TSC2: variants seen among roughly 807,000 people sequenced by gnomAD.
TSC2 encodes TSC complex subunit 2, also known as tuberin.
TSC2 carries 29 observed loss-of-function variants against 202.2 expected under a neutral mutation model. The ratio of observed to expected loss-of-function variants is 0.14; its 90% CI spans 0.11 to 0.20. The LOEUF is 0.20. Among genes scored for constraint, TSC2 ranks in the 10% least tolerant of loss-of-function variants. The pLI, the probability that TSC2 is intolerant of heterozygous loss-of-function variation, is 1.00. For synonymous variants in TSC2, 1,349 were observed against 1,044.0 expected, an observed-to-expected ratio of 1.29 and a Z score of -5.63; for missense variants, 2,429 against 2,420.0, an observed-to-expected ratio of 1.00 and a Z score of -0.08.
At position 2,088,750 on chromosome 16, in the gene TSC2, C is replaced by G; in HGVS notation, c.*140C>G. ...TTTTATTGACTTTGTCTGCTTGGTGCGGGGGTTGGGGGGGTGTCGAGGCTC... is the reference window on the plus strand; with the variant it reads ...TTTTATTGACTTTGTCTGCTTGGTGGGGGGGTTGGGGGGGTGTCGAGGCTC... On this transcript the variant is annotated 3_prime_UTR_variant, in exon 42 of 42. Transcript: ENST00000219476. The G allele has an allele frequency of 8.2e-7, 1 of 1,219,198 alleles. No individual in the cohort carries two copies. The highest frequency in any genetic ancestry group is 1.1e-6 in the Non-Finnish European group (1 of 884,044). The allele number at this position is 1,219,198 out of a possible 1,614,324, so 75.5% of individuals were successfully genotyped here.
rs2151299187 is a variant in TSC2 at position 2,071,610 on chromosome 16, A to C, written c.1940A>C (p.Asp647Ala). 6.2e-7 allele frequency: 1 copy of C among 1,613,338 alleles called. No homozygotes were observed. ...VVRFSPYCVC[D>A]YMEPERGSEK... ...CGGTTCAGCCCCTACTGCGTCTGCG[A>C]CTACATGTACGCGGGACCTCGCCCA... Residue 647 changes from aspartate to alanine, a missense_variant, in exon 18 of 42, where the codon GAC becomes GCC. By Grantham distance (126) the Asp-to-Ala change is moderately radical (BLOSUM62 -2). Coordinates refer to ENST00000219476, the MANE Select transcript of TSC2 (RefSeq NM_000548.5).
In TSC2 at chr16:2,076,170, G is replaced by GGTGATGGCT; in HGVS notation, c.2742+3_2742+4insATGGCTGTG. ...AGGATTTTGTCCCTTTCATCACTAA[G>GGTGATGGCT]GTGGGCTCAGGGCCGGTGAAGGCTG... On this transcript the variant is annotated inframe_insertion and splice_region_variant. Transcript: ENST00000219476. 6.2e-7 allele frequency: 1 copy of GGTGATGGCT among 1,613,580 alleles called. No individual in the cohort carries two copies. The highest frequency in any genetic ancestry group is 8.5e-7 in the Non-Finnish European group (1 of 1,180,008).
At chr16:2,061,147 G>T in intron 11 of TSC2, 1 of 405,218 alleles carries the variant, frequency 2.5e-6, no homozygotes, top group South Asian at 2.2e-5. Context: ...TGCCAGTGTG[G>T]CTTCCGCATG....
chr16:2,084,898 G>A lies in TSC2; in HGVS notation c.4494-53G>A, dbSNP rs2090571486. Reference sequence around the variant, plus strand: ...CTCTGTGTTCCTCCCTGTGGGCTGTGGCTGCCCTGGCCAGGCCCTCACCTG... The same window carrying A: ...CTCTGTGTTCCTCCCTGTGGGCTGTAGCTGCCCTGGCCAGGCCCTCACCTG... On this transcript the variant is annotated intron_variant, in intron 34 of 41. Transcript: ENST00000219476. The A allele has an allele frequency of 1.9e-6, 3 of 1,609,520 alleles. No individual in the cohort carries two copies. The African/African-American group carries it at 4.0e-5, about 21-fold the overall frequency.
At chr16:2,082,579 T>C in intron 32 of TSC2, 75 bp downstream of exon 32, 1 of 1,527,766 alleles carries the variant, frequency 6.5e-7, no homozygotes. Flanking sequence ...CGTCGCCTCA[T>C]CCGCCCACCC....
chr16:2,074,694 T>A (rs1265047239), intron 22 of TSC2: 1 of 470,686 alleles, frequency 2.1e-6, no homozygotes, highest in Non-Finnish European at 3.9e-6. Context: ...CACACGCCGC[T>A]TCAGGGGGGC....
At chr16:2,078,992 T>C (rs1596381782) in intron 26 of TSC2, 40 bp from the exon 27 acceptor site, 2 of 1,610,770 alleles carry the variant, frequency 1.2e-6, no homozygotes, top group Non-Finnish European at 8.5e-7. Context: ...CGGCCCGCCC[T>C]ACCTGGCACC....
At chr16:2,057,209 G>A in intron 9 of TSC2, 31 bp downstream of exon 9, 2 of 1,551,338 alleles carry the variant, frequency 1.3e-6, no homozygotes, top group Non-Finnish European at 1.7e-6. Flanking sequence ...GCAGGGCAGT[G>A]GAGGCCAGCA....
At chr16:2,083,315 G>C (rs1235355220) in intron 32 of TSC2, 1 of 462,444 alleles carries the variant, frequency 2.2e-6, no homozygotes, top group Non-Finnish European at 4.3e-6. Flanking sequence ...ACGTCACGGA[G>C]TCTCCGCAGC....
At chr16:2,086,666 C>A in intron 37 of TSC2, 66 bp from the exon 38 acceptor site, 1 of 1,597,808 alleles carries the variant, frequency 6.3e-7, no homozygotes, top group Non-Finnish European at 8.5e-7. Context: ...AGGAGGTGCC[C>A]CAGTGCAAGG....
chr16:2,076,251 G>A, intron 24 of TSC2, 81 bp downstream of exon 24: 4 of 1,595,652 alleles, frequency 2.5e-6, no homozygotes, highest in Non-Finnish European at 2.6e-6. Context: ...GTCGGGCAGA[G>A]TGACAGGCAG....
chr16:2,085,148 G>C, intron 35 of TSC2, 82 bp from the exon 36 acceptor site: 2 of 1,603,686 alleles, frequency 1.2e-6, no homozygotes, highest in Admixed American at 3.4e-5. Context: ...GCTCCCTGTG[G>C]CAGCCTGCCG....
intron 1 of TSC2, 163 bp downstream of exon 1, chr16:2,048,228 G>A (rs755151703): frequency 1.4e-6 from 2 of 1,457,466 alleles, no homozygotes; most frequent in South Asian, 2.4e-5. Context: ...GGGTGCGAAC[G>A]GGTCTCTGCT....
chr16:2,086,111 A>C, intron 36 of TSC2, 82 bp from the exon 37 acceptor site: 1 of 1,547,076 alleles, frequency 6.5e-7, no homozygotes, highest in Non-Finnish European at 8.9e-7. Flanking sequence ...CTCCCGGCAG[A>C]GCCTGCTGGG....
chr16:2,088,097 C>T lies in TSC2; in HGVS notation c.5118C>T (p.Arg1706=), dbSNP rs397515079. 9 of 1,612,932 alleles carry T rather than the reference C, an allele frequency of 5.6e-6. No individual in the cohort carries two copies. The highest frequency in any genetic ancestry group is 6.8e-6 in the Non-Finnish European group (8 of 1,180,008). Residue 1706 remains arginine (R), a synonymous_variant, in exon 40 of 42, where the codon CGC becomes CGT. Transcript: ENST00000219476. ...DTSVAKIVSD[R]NLPFVARQMA... ...GCGTGGCCAAGATCGTGTCTGACCGCAACCTGCCCTTCGTGGCCCGCCAGA... is the reference window on the plus strand; with the variant it reads ...GCGTGGCCAAGATCGTGTCTGACCGTAACCTGCCCTTCGTGGCCCGCCAGA...
rs58142791 is a variant in TSC2, at chr16:2,067,512, C to T, written c.1716+1877C>T. Among the ~76,000 whole-genome samples, 19 of 150,794 alleles carry T rather than the reference C, an allele frequency of 1.3e-4. 1 individual carries two copies. The highest frequency in any genetic ancestry group is 1.0e-3 in the South Asian group (5 of 4,778). Reference sequence around the variant, plus strand: ...TCAGCCGGGTGTGGTGGCTCATGCCCGTAATCCCAGCACTTTGGGAGGCTG... The same window carrying T: ...TCAGCCGGGTGTGGTGGCTCATGCCTGTAATCCCAGCACTTTGGGAGGCTG... On this transcript the variant is annotated intron_variant, in intron 16 of 41. Coordinates refer to ENST00000219476, the MANE Select transcript of TSC2 (RefSeq NM_000548.5).
chr16:2,048,542 C>T (rs2084655801), intron 1 of TSC2, 45 bp from the exon 2 acceptor site: 3 of 1,611,264 alleles, frequency 1.9e-6, no homozygotes, highest in South Asian at 2.2e-5. Flanking sequence ...GGAAGGTGGG[C>T]AGAGGTGTTG....
intron 16 of TSC2, among the ~76,000 whole-genome samples, chr16:2,069,582 C>A (rs62038804): frequency 3.9e-5 from 6 of 152,144 alleles, no homozygotes; most frequent in African/African-American, 1.2e-4. Context: ...TGGGTTCACG[C>A]CATTCTCCTG....
intron 10 of TSC2, among the ~76,000 whole-genome samples, chr16:2,059,312 C>T (rs1238877278): frequency 6.6e-6 from 1 of 150,894 alleles, no homozygotes; most frequent in Non-Finnish European, 1.5e-5. Flanking sequence ...GCCACCATGC[C>T]TGGCCAAAGG....
Sources: allele counts gnomAD v4.1 joint callset (sites outside exome capture counted in the v4.1 genomes callset), GRCh38; gene constraint gnomAD v4.1.1; transcripts MANE v1.5; gene names NCBI Gene and HGNC (gene_info 2026-07-23, HGNC 2026-07-21).